SHISA6: variants seen among roughly 807,000 people sequenced by gnomAD.
SHISA6 encodes the protein protein shisa-6.
In SHISA6, 22 loss-of-function variants were observed where a neutral mutation model predicts 47.9. That is an observed-to-expected ratio of 0.46 (90% CI 0.33 to 0.66). The LOEUF (loss-of-function observed/expected upper bound fraction) is 0.66. Among genes scored for constraint, SHISA6 ranks in the 30% least tolerant of loss-of-function variants. SHISA6 has a pLI of 0.02. For missense variants in SHISA6, 680 were observed against 764.6 expected (o/e 0.89, Z 1.30); for synonymous variants, 388 against 337.8 (o/e 1.15, Z -1.63).
chr17:11,461,971 A>C (rs963278882), intron 3 of SHISA6, among the ~76,000 whole-genome samples: 2 of 152,224 alleles, frequency 1.3e-5, no homozygotes, highest in African/African-American at 4.8e-5. Context: ...ATCCTTTCCA[A>C]GGGCAAATAT....
intron 3 of SHISA6, among the ~76,000 whole-genome samples, chr17:11,443,059 G>A (rs563083816): frequency 3.3e-5 from 5 of 152,326 alleles, no homozygotes; most frequent in African/African-American, 9.6e-5. Flanking sequence ...GCTGTCTGCT[G>A]CTCTCTCTCC....
chr17:11,549,565 A>T (rs866180712), intron 3 of SHISA6, among the ~76,000 whole-genome samples: 12 of 152,214 alleles, frequency 7.9e-5, no homozygotes, highest in Admixed American at 2.0e-4. Context: ...GAGTTTTTTT[A>T]AAATGCCTAT....
chr17:11,380,039 C>T (rs978897910), intron 3 of SHISA6: 1 of 153,950 alleles, frequency 6.5e-6, no homozygotes, highest in African/African-American at 2.4e-5. Context: ...GAAAGCTAAC[C>T]TAGAGTTTCT....
chr17:11,557,869 G>A lies in SHISA6; in HGVS notation c.1221G>A (p.Arg407=), dbSNP rs1396047202. ...TGTCCCAACAGAAGCCGTTGCCAAGGGAACGACCCCGCCGGCCCATCCGGG... is the reference window on the plus strand; with the variant it reads ...TGTCCCAACAGAAGCCGTTGCCAAGAGAACGACCCCGCCGGCCCATCCGGG... ...IQMSQQKPLP[R]ERPRRPIRAM... is the part of the protein sequence containing the mutation. Residue 407 remains arginine, a synonymous_variant, in exon 6 of 6, where the codon AGG becomes AGA. Transcript: ENST00000441885. The A allele has an allele frequency of 6.4e-7, 1 of 1,551,444 alleles. No individual in the cohort carries two copies. Among genetic ancestry groups the A allele is most frequent in the Non-Finnish European group, 8.7e-7 (1 of 1,147,002 alleles).
At chr17:11,368,683 G>T (rs774335958) in intron 2 of SHISA6, among the ~76,000 whole-genome samples, 26 of 152,096 alleles carry the variant, frequency 1.7e-4, no homozygotes, top group Middle Eastern at 3.2e-3. Context: ...TTGAGACAGA[G>T]TCTTGCTCTG....
intron 3 of SHISA6, among the ~76,000 whole-genome samples, chr17:11,537,987 G>A (rs887623739): frequency 3.3e-5 from 5 of 152,218 alleles, no homozygotes; most frequent in Admixed American, 6.5e-5. Flanking sequence ...ATTATCAGAA[G>A]AGCAAAGAAC....
At position 11,241,820 on chromosome 17, in the gene SHISA6, G is replaced by A. The variant is rs1167771876; in HGVS notation, c.398G>A (p.Arg133His). ...TACTACCGCTTCTGCTGCAAGAAGC[G>A]CCACGAGAAGCTGGACCAGCGCCAG... The part of the protein sequence containing the change: ...TCYYRFCCKK[R>H]HEKLDQRQCT... The change falls in exon 1 of 6, where the codon CGC (arginine) becomes CAC (histidine). Residue 133 changes from arginine to histidine, a missense_variant. Coordinates refer to ENST00000441885, the MANE Select transcript of SHISA6 (RefSeq NM_207386.4). This position sits in a 1 kb window ranked among gnomAD's most constrained non-coding sequence, Gnocchi z 5.5. 1.3e-6 allele frequency: 2 copies of A among 1,550,722 alleles called. No individual in the cohort carries two copies. Among genetic ancestry groups the A allele is most frequent in the Non-Finnish European group, 1.7e-6 (2 of 1,147,004 alleles).
chr17:11,507,271 G>T (rs767526405), intron 3 of SHISA6, among the ~76,000 whole-genome samples: 25 of 152,220 alleles, frequency 1.6e-4, no homozygotes, highest in Non-Finnish European at 2.9e-4. Context: ...CTGGGGAACA[G>T]AATGTCTATC....
At chr17:11,526,112 C>CCCA (rs1555542443) in intron 3 of SHISA6, among the ~76,000 whole-genome samples, 3 of 137,856 alleles carry the variant, frequency 2.2e-5, no homozygotes, top group Non-Finnish European at 4.8e-5. Context: ...CCAAGGGGAC[C>CCCA]CCCCCCCGCT....
intron 2 of SHISA6, among the ~76,000 whole-genome samples, chr17:11,318,914 C>T (rs940048781): frequency 1.3e-5 from 2 of 152,132 alleles, no homozygotes; most frequent in East Asian, 3.9e-4. Flanking sequence ...CTCAAACTAT[C>T]TGCAGTGGCT....
chr17:11,326,603 T>G (rs1437446413), intron 2 of SHISA6, among the ~76,000 whole-genome samples: 2 of 152,200 alleles, frequency 1.3e-5, no homozygotes, highest in Admixed American at 1.3e-4. Context: ...ACCTTCCGAA[T>G]CCTAGACCAT....
chr17:11,266,585 T>C (rs1213644382), intron 2 of SHISA6, among the ~76,000 whole-genome samples: 9 of 152,248 alleles, frequency 5.9e-5, no homozygotes, highest in Admixed American at 5.9e-4. Context: ...CAATCATACC[T>C]GTAGGTCAGA....
intron 2 of SHISA6, among the ~76,000 whole-genome samples, chr17:11,352,820 T>G (rs1327891318): frequency 1.3e-5 from 2 of 152,216 alleles, no homozygotes; most frequent in Non-Finnish European, 2.9e-5. Context: ...CCCCTTTTAT[T>G]GGAGTGGTCT....
chr17:11,471,738 T>C (rs954080679), intron 3 of SHISA6, among the ~76,000 whole-genome samples: 4 of 152,138 alleles, frequency 2.6e-5, no homozygotes, highest in African/African-American at 9.7e-5. Flanking sequence ...AATGAAAGTG[T>C]AGTGAGGGGA....
chr17:11,545,868 T>C (rs1037787392), intron 3 of SHISA6, among the ~76,000 whole-genome samples: 4 of 152,206 alleles, frequency 2.6e-5, no homozygotes, highest in African/African-American at 9.7e-5. Context: ...GCAGCTGGAA[T>C]CTAAGGTTGA....
At chr17:11,489,233 G>A (rs1916419545) in intron 3 of SHISA6, among the ~76,000 whole-genome samples, 1 of 151,794 alleles carries the variant, frequency 6.6e-6, no homozygotes, top group Admixed American at 6.6e-5. Flanking sequence ...TGCTTCTCGG[G>A]GCCCCAATTT....
intron 3 of SHISA6, among the ~76,000 whole-genome samples, chr17:11,402,108 C>A (rs1913793951): frequency 6.6e-6 from 1 of 152,184 alleles, no homozygotes; most frequent in South Asian, 2.1e-4. Context: ...GATTAGGCTG[C>A]AGTTCTACTC....
At chr17:11,401,499 A>G (rs1018730593) in intron 3 of SHISA6, among the ~76,000 whole-genome samples, 2 of 152,218 alleles carry the variant, frequency 1.3e-5, no homozygotes, top group African/African-American at 4.8e-5. Context: ...AGCCTCAGAC[A>G]TGTATATATT....
chr17:11,375,069 G>C (rs541970642), intron 2 of SHISA6, among the ~76,000 whole-genome samples: 1 of 152,182 alleles, frequency 6.6e-6, no homozygotes, highest in East Asian at 1.9e-4. Context: ...ATGTTGGCTT[G>C]AGTGTTCTCC....
Sources: allele counts gnomAD v4.1 joint callset (sites outside exome capture counted in the v4.1 genomes callset), GRCh38; gene constraint gnomAD v4.1.1; non-coding constraint Gnocchi (gnomAD v3.1); transcripts MANE v1.5; gene names NCBI Gene and HGNC (gene_info 2026-07-23, HGNC 2026-07-21).